CDC23: variants seen among roughly 807,000 people sequenced by gnomAD.
The protein encoded by CDC23 is cell division cycle protein 23 homolog.
In CDC23, 26 loss-of-function variants were observed where a neutral mutation model predicts 81.7. That is an observed-to-expected ratio of 0.32 (90% CI 0.23 to 0.44). The LOEUF (loss-of-function observed/expected upper bound fraction) is 0.44, where lower values mean the gene tolerates loss of function less well. CDC23 is among the 20% of genes least tolerant of loss of function. The pLI, the probability that CDC23 is intolerant of heterozygous loss-of-function variation, is 1.00. For synonymous variants in CDC23, 267 were observed against 270.8 expected (o/e 0.99, Z 0.14); for missense variants, 519 against 728.0 (o/e 0.71, Z 3.30).
At chr5:138,193,280 T>C (rs541732354) in intron 9 of CDC23, among the ~76,000 whole-genome samples, 60 of 152,082 alleles carry the variant, frequency 3.9e-4, no homozygotes, top group Non-Finnish European at 8.1e-4. Flanking sequence ...TCAAACTATA[T>C]TCCTTGGAGC....
intron 1 of CDC23, 35 bp from the exon 2 acceptor site, chr5:138,213,098 A>G (rs768087140): frequency 1.2e-6 from 2 of 1,614,032 alleles, no homozygotes; most frequent in Non-Finnish European, 1.7e-6. Context: ...CAGCTCGACA[A>G]GCCCCCCAAG....
intron 13 of CDC23, among the ~76,000 whole-genome samples, chr5:138,190,368 G>A (rs1202334982): frequency 6.6e-6 from 1 of 151,046 alleles, no homozygotes; most frequent in Non-Finnish European, 1.5e-5. Flanking sequence ...TGGAGCAGGA[G>A]AATTGCTTTA....
intron 9 of CDC23, among the ~76,000 whole-genome samples, chr5:138,196,044 A>T (rs1175493638): frequency 6.7e-6 from 1 of 150,126 alleles, no homozygotes; most frequent in Non-Finnish European, 1.5e-5. Flanking sequence ...TCTCCTTTTC[A>T]CTTCCTCTGA....
At chr5:138,209,549 G>A (rs957241430) in intron 2 of CDC23, among the ~76,000 whole-genome samples, 25 of 152,160 alleles carry the variant, frequency 1.6e-4, no homozygotes, top group African/African-American at 5.8e-4. Context: ...AGCAAGCCGG[G>A]TGTGGTGGCT....
intron 9 of CDC23, among the ~76,000 whole-genome samples, chr5:138,195,724 A>ATATACATATAATATATATG (rs1561634120): frequency 5.3e-5 from 3 of 56,828 alleles, no homozygotes; most frequent in African/African-American, 1.7e-4. Context: ...ATATATATGT[A>ATATACATATAATATATATG]TATATATACA....
At chr5:138,201,082 T>C (rs1754983734) in intron 6 of CDC23, 25 bp downstream of exon 6, 8 of 1,609,552 alleles carry the variant, frequency 5.0e-6, no homozygotes, top group African/African-American at 2.7e-5. Context: ...GCAGAGGGTT[T>C]TTCACATAGC....
In CDC23 at chr5:138,187,958, A is replaced by G. The variant is rs1754774136; in HGVS notation, c.*1020T>C. On this transcript the variant is annotated 3_prime_UTR_variant, in exon 16 of 16. Coordinates refer to ENST00000394886, the MANE Select transcript of CDC23 (RefSeq NM_004661.4). ...CTGGACCCTGAGCTCAGAATGATCC[A>G]TAGCATCTACTGTGCAAATATATTA... is the stretch of plus-strand genomic sequence containing the variant. 6.3e-6 allele frequency: 1 copy of G among 157,532 alleles called. No individual in the cohort carries two copies. The highest frequency in any genetic ancestry group is 6.0e-5 in the Admixed American group (1 of 16,582). 9.8% of individuals were successfully genotyped at this position (157,532 alleles called of 1,614,324 possible).
intron 2 of CDC23, among the ~76,000 whole-genome samples, chr5:138,208,018 G>A (rs1383883960): frequency 6.6e-6 from 1 of 151,484 alleles, no homozygotes; most frequent in Non-Finnish European, 1.5e-5. Flanking sequence ...ATGGAATGCA[G>A]TGGTGTGATA....
intron 8 of CDC23, 43 bp from the exon 9 acceptor site, chr5:138,198,323 T>C: frequency 6.3e-7 from 1 of 1,590,358 alleles, no homozygotes; most frequent in Non-Finnish European, 8.6e-7. Flanking sequence ...AAAAAAGAAC[T>C]CCCTAAATTA....
chr5:138,191,802 C>T (rs1242782006), intron 12 of CDC23, 60 bp downstream of exon 12: 1 of 1,344,164 alleles, frequency 7.4e-7, no homozygotes, highest in Non-Finnish European at 1.1e-6. Context: ...CACAGATAGC[C>T]CAACCTTCAT....
chr5:138,204,745 G>A (rs893689472), intron 3 of CDC23, among the ~76,000 whole-genome samples: 3 of 149,948 alleles, frequency 2.0e-5, no homozygotes, highest in African/African-American at 4.9e-5. Context: ...TCAGCCTCCC[G>A]AGTAGCTGGG....
rs544095600 is a variant in CDC23, at chr5:138,200,122, TTTTGTTTG to T, written c.654+977_654+984del. Reference sequence around the variant, plus strand: ...CAGCTCAGAAGAGGCCTGAACAATTTTTTGTTTGTTTGTTTGTTTGTTTGTTTGAGACA... The same window carrying T: ...CAGCTCAGAAGAGGCCTGAACAATTTTTTGTTTGTTTGTTTGTTTGAGACA... On this transcript the variant is annotated intron_variant, in intron 6 of 15. Coordinates refer to ENST00000394886, the MANE Select transcript of CDC23 (RefSeq NM_004661.4). 9.9e-5 allele frequency among the ~76,000 whole-genome samples: 15 copies of T among 152,140 alleles called. No individual in the cohort carries two copies. The East Asian group carries it at 1.2e-3, about 12-fold the overall frequency.
At chr5:138,201,538 G>A in intron 4 of CDC23, 90 bp from the exon 5 acceptor site, 1 of 933,574 alleles carries the variant, frequency 1.1e-6, no homozygotes, top group South Asian at 1.8e-5. Flanking sequence ...CTAGAGACAG[G>A]GTCTCGCTAT....
At chr5:138,195,347 CCTT>C (rs1468541149) in intron 9 of CDC23, among the ~76,000 whole-genome samples, 1 of 150,132 alleles carries the variant, frequency 6.7e-6, no homozygotes, top group East Asian at 1.9e-4. Flanking sequence ...TTATTATTCT[CCTT>C]TTACAGATGA....
intron 2 of CDC23, among the ~76,000 whole-genome samples, chr5:138,207,547 T>C (rs1361721618): frequency 6.6e-6 from 1 of 152,252 alleles, no homozygotes. Flanking sequence ...TACGTGCAAT[T>C]ACTTATATTT....
chr5:138,204,555 C>T (rs549568027), intron 3 of CDC23, among the ~76,000 whole-genome samples: 2 of 150,988 alleles, frequency 1.3e-5, no homozygotes, highest in Admixed American at 6.6e-5. Context: ...TTCTTATTCT[C>T]GCAACTTGTC....
Position 138,198,409 on chromosome 5 carries a change from CA to C in CDC23, c.930+16del. The C allele has an allele frequency of 6.2e-7, 1 of 1,611,054 alleles. No homozygotes were observed. The highest frequency in any genetic ancestry group is 1.1e-5 in the South Asian group (1 of 90,900). Reference sequence around the variant, plus strand: ...ACAAAAGAGCTTAATCAAATCCAAGCAAGGGAAGCAGCTCACCCTGACATAA... The same window carrying C: ...ACAAAAGAGCTTAATCAAATCCAAGCAGGGAAGCAGCTCACCCTGACATAA... On this transcript the variant is annotated intron_variant, in intron 8 of 15. Coordinates refer to ENST00000394886, the MANE Select transcript of CDC23 (RefSeq NM_004661.4).
Position 138,202,163 on chromosome 5 carries a change from A to G in CDC23, c.373-8T>C, listed in dbSNP as rs1157638537. On this transcript the variant is annotated splice_region_variant and splice_polypyrimidine_tract_variant and intron_variant, in intron 3 of 15. Transcript: ENST00000394886. Reference sequence around the variant, plus strand: ...CTTCTTTTTTTCTCCAGACTGTAAGAGAAAATCAACAAATAGGTCTTTTTT... The same window carrying G: ...CTTCTTTTTTTCTCCAGACTGTAAGGGAAAATCAACAAATAGGTCTTTTTT... 1.2e-6 allele frequency: 2 copies of G among 1,604,508 alleles called. No individual in the cohort carries two copies. The highest frequency in any genetic ancestry group is 1.7e-6 in the Non-Finnish European group (2 of 1,173,166).
chr5:138,195,578 TATATTATATATAATA>T (rs1754880249), intron 9 of CDC23, among the ~76,000 whole-genome samples: 1 of 94,352 alleles, frequency 1.1e-5, no homozygotes, highest in African/African-American at 3.6e-5. Flanking sequence ...TTATATATAA[TATATTATATATAATA>T]TATATTATAT....
Sources: gnomAD v4.1 joint callset for allele counts (sites outside exome capture counted in the v4.1 genomes callset) on GRCh38, gnomAD v4.1.1 for gene constraint, MANE v1.5 for transcripts, NCBI Gene and HGNC (gene_info 2026-07-23, HGNC 2026-07-21) for gene names.